Variants in PTPRN2 observed in about 807,000 individuals in gnomAD.
PTPRN2 encodes the protein protein tyrosine phosphatase receptor type N2.
In PTPRN2, 74 loss-of-function variants were observed where a neutral mutation model predicts 118.8. That is an observed-to-expected ratio of 0.62 (90% CI 0.52 to 0.76). The LOEUF is 0.76. Ranked by LOEUF, PTPRN2 falls within the 30% of genes least tolerant of loss-of-function variation. The pLI, the probability that PTPRN2 is intolerant of heterozygous loss-of-function variation, is 0.00. For synonymous variants in PTPRN2, 641 were observed against 608.0 expected (o/e 1.05, Z -0.80); for missense variants, 1,481 against 1,394.4 (o/e 1.06, Z -0.99).
At chr7:158,244,441 C>T (rs942026422) in intron 3 of PTPRN2, among the ~76,000 whole-genome samples, 5 of 152,114 alleles carry the variant, frequency 3.3e-5, no homozygotes, top group African/African-American at 4.8e-5. Flanking sequence ...GTGTGTTTTG[C>T]GTGAGTGTGA....
At chr7:158,040,499 G>GA (rs902919930) in intron 11 of PTPRN2, among the ~76,000 whole-genome samples, 1 of 152,140 alleles carries the variant, frequency 6.6e-6, no homozygotes, top group Non-Finnish European at 1.5e-5. Context: ...AGAGAGGGGG[G>GA]AAAAACCTTA....
intron 22 of PTPRN2, among the ~76,000 whole-genome samples, chr7:157,548,414 C>A (rs889287684): frequency 2.0e-5 from 3 of 152,178 alleles, no homozygotes; most frequent in Non-Finnish European, 4.4e-5. Flanking sequence ...ACCAGACACA[C>A]GTCAACCTCA....
chr7:157,743,808 G>A (rs1800769863), intron 12 of PTPRN2, among the ~76,000 whole-genome samples: 1 of 152,212 alleles, frequency 6.6e-6, no homozygotes, highest in Admixed American at 6.5e-5. Context: ...GGTTGGCTGA[G>A]CTGGGCTTCT....
At chr7:158,179,606 T>G (rs969711857) in intron 5 of PTPRN2, among the ~76,000 whole-genome samples, 1 of 152,250 alleles carries the variant, frequency 6.6e-6, no homozygotes, top group Non-Finnish European at 1.5e-5. Flanking sequence ...TCTAGAAGTT[T>G]TATGGTTTCA....
At chr7:158,281,322 T>C (rs1156715276) in intron 3 of PTPRN2, among the ~76,000 whole-genome samples, 1 of 152,206 alleles carries the variant, frequency 6.6e-6, no homozygotes, top group East Asian at 1.9e-4. Flanking sequence ...AAATACATTT[T>C]GTGTATGGTT....
At chr7:158,158,247 CTG>C (rs1382121742) in intron 6 of PTPRN2, among the ~76,000 whole-genome samples, 1 of 152,204 alleles carries the variant, frequency 6.6e-6, no homozygotes, top group Non-Finnish European at 1.5e-5. Flanking sequence ...TCAGTTATTT[CTG>C]TGTTATAATC....
chr7:157,734,420 C>G (rs1800182857), intron 12 of PTPRN2, among the ~76,000 whole-genome samples: 1 of 152,252 alleles, frequency 6.6e-6, no homozygotes, highest in African/African-American at 2.4e-5. Flanking sequence ...CCCAATTCAG[C>G]TTTTCAAACA....
At chr7:158,336,544 GTCACTCACA>G in intron 2 of PTPRN2, among the ~76,000 whole-genome samples, 1 of 125,822 alleles carries the variant, frequency 7.9e-6, no homozygotes, top group Admixed American at 8.4e-5. Context: ...ACCTGCCGAC[GTCACTCACA>G]CCCACACTCA....
chr7:158,143,507 G>A (rs553153868), intron 6 of PTPRN2, among the ~76,000 whole-genome samples: 4 of 152,314 alleles, frequency 2.6e-5, no homozygotes, highest in East Asian at 1.9e-4. Context: ...CATAGCTCAC[G>A]GTGGACACCA....
At chr7:158,140,195 C>T (rs186237988) in intron 6 of PTPRN2, among the ~76,000 whole-genome samples, 130 of 152,296 alleles carry the variant, frequency 8.5e-4, no homozygotes, top group Middle Eastern at 3.4e-3. Context: ...AACTGGATGG[C>T]ACAAGAGGCT....
intron 2 of PTPRN2, among the ~76,000 whole-genome samples, chr7:158,397,647 TC>T (rs1480946490): frequency 1.3e-5 from 2 of 151,822 alleles, no homozygotes; most frequent in Non-Finnish European, 2.9e-5. Flanking sequence ...TGCCACTCCC[TC>T]CCCACCCCCC....
At chr7:158,286,645 T>C (rs1409249919) in intron 3 of PTPRN2, among the ~76,000 whole-genome samples, 1 of 152,212 alleles carries the variant, frequency 6.6e-6, no homozygotes, top group Non-Finnish European at 1.5e-5. Flanking sequence ...CAATGTGGCA[T>C]ATCACATTAA....
At chr7:158,203,719 G>C (rs1318485516) in intron 4 of PTPRN2, among the ~76,000 whole-genome samples, 1 of 152,126 alleles carries the variant, frequency 6.6e-6, no homozygotes, top group East Asian at 1.9e-4. Context: ...AGGTCATTGG[G>C]GCAGTGCACA....
intron 11 of PTPRN2, among the ~76,000 whole-genome samples, chr7:157,931,261 C>T (rs1446125295): frequency 6.6e-6 from 1 of 152,238 alleles, no homozygotes; most frequent in East Asian, 1.9e-4. Flanking sequence ...ACATTTGCTG[C>T]CTAGGCCAGG....
At chr7:158,211,485 T>C (rs1187325075) in intron 3 of PTPRN2, among the ~76,000 whole-genome samples, 1 of 152,140 alleles carries the variant, frequency 6.6e-6, no homozygotes, top group Non-Finnish European at 1.5e-5. Flanking sequence ...ATAACCAGAA[T>C]GTATAAAAAG....
At chr7:158,297,951 T>G (rs780387912) in intron 3 of PTPRN2, among the ~76,000 whole-genome samples, 1 of 152,258 alleles carries the variant, frequency 6.6e-6, no homozygotes, top group African/African-American at 2.4e-5. Context: ...TTTTCTTTAC[T>G]TTTTGAGTCA....
At chr7:157,775,056 C>G (rs1169837671) in intron 12 of PTPRN2, among the ~76,000 whole-genome samples, 1 of 152,144 alleles carries the variant, frequency 6.6e-6, no homozygotes, top group Admixed American at 6.5e-5. Context: ...AGTCTGAGGG[C>G]CTGAAAACGT....
intron 3 of PTPRN2, among the ~76,000 whole-genome samples, chr7:158,279,114 T>A (rs1799237955): frequency 6.6e-6 from 1 of 152,240 alleles, no homozygotes; most frequent in African/African-American, 2.4e-5. Context: ...ACCGGTTTGC[T>A]GCTGCTGGCT....
intron 10 of PTPRN2, among the ~76,000 whole-genome samples, chr7:158,085,322 TCA>T (rs1429163184): frequency 1.1e-4 from 2 of 17,508 alleles, no homozygotes; most frequent in Non-Finnish European, 1.2e-4. Context: ...CGACGCCCAT[TCA>T]CACATGCCCA....
Sources: allele counts gnomAD v4.1 joint callset (sites outside exome capture counted in the v4.1 genomes callset), GRCh38; gene constraint gnomAD v4.1.1; transcripts MANE v1.5; gene names NCBI Gene and HGNC (gene_info 2026-07-23, HGNC 2026-07-21).